Variants in CD36 observed in about 807,000 individuals in gnomAD.
CD36 encodes the protein CD36 molecule (CD36 blood group).
CD36 carries 119 observed loss-of-function variants against 55.2 expected under a neutral mutation model. The ratio of observed to expected loss-of-function variants is 2.15; its 90% CI spans 1.86 to 2.51. The LOEUF (loss-of-function observed/expected upper bound fraction) is 2.51, where lower values mean the gene tolerates loss of function less well. CD36 is among the 30% of genes most tolerant of loss of function. The pLI, the probability that CD36 is intolerant of heterozygous loss-of-function variation, is 0.00. For missense variants in CD36, 819 were observed against 555.5 expected (o/e 1.47, Z -4.77); for synonymous variants, 186 against 193.6 (o/e 0.96, Z 0.33).
intron 1 of CD36, among the ~76,000 whole-genome samples, chr7:80,627,037 A>C (rs998100923): frequency 6.6e-6 from 1 of 152,014 alleles, no homozygotes; most frequent in African/African-American, 2.4e-5. Flanking sequence ...GAGACAGACT[A>C]TTACAAGGTT....
intron 4 of CD36, among the ~76,000 whole-genome samples, chr7:80,658,126 A>G (rs1324231805): frequency 6.6e-6 from 1 of 152,240 alleles, no homozygotes; most frequent in African/African-American, 2.4e-5. Context: ...GTGACAATTC[A>G]TAATTTTGTC....
chr7:80,673,636 T>TGTA, intron 13 of CD36: 1 of 562,950 alleles, frequency 1.8e-6, no homozygotes, highest in African/African-American at 1.9e-5. Flanking sequence ...ATTTTCTTGT[T>TGTA]GTAACATTTG....
intron 1 of CD36, among the ~76,000 whole-genome samples, chr7:80,607,243 A>T (rs1269803212): frequency 2.6e-5 from 4 of 151,800 alleles, no homozygotes; most frequent in African/African-American, 9.7e-5. Flanking sequence ...AAATAAAAGC[A>T]ACTGAAACAA....
At chr7:80,619,675 A>C (rs1793353371) in intron 1 of CD36, among the ~76,000 whole-genome samples, 1 of 146,486 alleles carries the variant, frequency 6.8e-6, no homozygotes, top group Non-Finnish European at 1.5e-5. Context: ...AAAAAAGGCT[A>C]TAATTTCCAT....
chr7:80,625,821 T>C (rs2115978691), intron 1 of CD36, among the ~76,000 whole-genome samples: 1 of 152,270 alleles, frequency 6.6e-6, no homozygotes, highest in African/African-American at 2.4e-5. Context: ...TTGGATGATA[T>C]ATTGCATTTT....
chr7:80,655,672 C>T (rs1036915416), intron 3 of CD36, among the ~76,000 whole-genome samples: 1 of 152,088 alleles, frequency 6.6e-6, no homozygotes, highest in African/African-American at 2.4e-5. Context: ...AAGTTAGGGG[C>T]TGTGTGCAGT....
Position 80,677,485 on chromosome 7 carries a change from G to A in CD36, c.*1102G>A, listed in dbSNP as rs1449184880. On this transcript the variant is annotated 3_prime_UTR_variant, in exon 15 of 15. Coordinates refer to ENST00000447544, the MANE Select transcript of CD36 (RefSeq NM_001001548.3). ...TATGATAGCCGCCAGAGTAAATGTT[G>A]AGCATTACTACAGAAAAGCCACAAA... 1 of 152,088 alleles carries A rather than the reference G, an allele frequency of 6.6e-6. No individual in the cohort carries two copies. 9.4% of individuals were successfully genotyped at this position (152,088 alleles called of 1,614,324 possible). A position where few individuals can be genotyped will look rare whatever the true frequency, so the allele number is the denominator to read the frequency against.
intron 9 of CD36, chr7:80,670,540 T>C (rs1178524369): frequency 4.3e-6 from 1 of 230,664 alleles, no homozygotes; most frequent in African/African-American, 2.3e-5. Context: ...AAAATATGTG[T>C]ATTGAACCCT....
At chr7:80,639,877 G>A (rs928885962) in intron 1 of CD36, 3 of 151,956 alleles carry the variant, frequency 2.0e-5, no homozygotes, top group Non-Finnish European at 4.4e-5. Context: ...AAACCAAACA[G>A]AGAACCATCA....
At chr7:80,634,126 T>A (rs75283129), upstream of CD36, among the ~76,000 whole-genome samples, 16 of 152,200 alleles carry the variant, frequency 1.1e-4, no homozygotes, top group African/African-American at 3.9e-4. Flanking sequence ...GCCCTTGTTC[T>A]GCCAAGTACT....
intron 1 of CD36, among the ~76,000 whole-genome samples, chr7:80,621,283 G>T (rs1793457445): frequency 6.6e-6 from 1 of 152,164 alleles, no homozygotes; most frequent in African/African-American, 2.4e-5. Context: ...TCAGTTTATT[G>T]TGATATTCAC....
intron 3 of CD36, among the ~76,000 whole-genome samples, chr7:80,653,123 G>A (rs908028293): frequency 1.3e-5 from 2 of 152,112 alleles, no homozygotes; most frequent in African/African-American, 4.8e-5. Flanking sequence ...TTCATTGTTG[G>A]CCACTTCAGT....
rs138506407 is a variant in CD36, at chr7:80,607,614, A to G, written c.-184+5235A>G. On this transcript the variant is annotated intron_variant, in intron 1 of 13. Transcript: ENST00000309881. ...CCCCATCCCCCACTTTCTAAGTGAT[A>G]TTATCAATTTTCATGACTTCACCTG... Among the ~76,000 whole-genome samples, 6 of 152,144 alleles carry G rather than the reference A, an allele frequency of 3.9e-5. No individual in the cohort carries two copies. In the East Asian group the frequency reaches 7.7e-4, roughly 20 times the overall value.
chr7:80,673,240 TACAGGAACAAA>T (rs1389790294), intron 12 of CD36, 104 bp from the exon 13 acceptor site: 3 of 594,048 alleles, frequency 5.1e-6, no homozygotes, highest in Non-Finnish European at 9.0e-6. Flanking sequence ...AATGAGTCAT[TACAGGAACAAA>T]ATCAAATTAG....
chr7:80,608,920 A>G (rs1396202892), intron 1 of CD36, among the ~76,000 whole-genome samples: 1 of 66,518 alleles, frequency 1.5e-5, no homozygotes, highest in African/African-American at 5.7e-5. Flanking sequence ...TCCCACCCCC[A>G]CCCCCATAGC....
chr7:80,623,423 A>G (rs1260434454), intron 1 of CD36, among the ~76,000 whole-genome samples: 1 of 152,270 alleles, frequency 6.6e-6, no homozygotes. Flanking sequence ...ATGAGGATGT[A>G]TGTCATCAAT....
chr7:80,622,670 T>A (rs1007742048), intron 1 of CD36, among the ~76,000 whole-genome samples: 14 of 152,182 alleles, frequency 9.2e-5, no homozygotes, highest in Non-Finnish European at 4.4e-5. Context: ...AAGAAATGTA[T>A]TCTACACAGA....
chr7:80,664,305 T>C lies in CD36; in HGVS notation c.610-101T>C. ...GTATTGCAGATGTATTTCAAGTCATTTGAGTAACCAGTGATTGAGAAATGT... is the reference window on the plus strand; with the variant it reads ...GTATTGCAGATGTATTTCAAGTCATCTGAGTAACCAGTGATTGAGAAATGT... On this transcript the variant is annotated intron_variant, in intron 6 of 14. Transcript: ENST00000447544. The C allele has an allele frequency of 6.7e-6, 5 of 741,994 alleles. No individual in the cohort carries two copies. The Middle Eastern group carries it at 1.1e-3, about 167-fold the overall frequency. The allele number at this position is 741,994 out of a possible 1,614,324, so 46.0% of individuals were successfully genotyped here.
At chr7:80,661,387 C>T (rs529863587) in intron 5 of CD36, among the ~76,000 whole-genome samples, 177 bp downstream of exon 5, 3 of 152,198 alleles carry the variant, frequency 2.0e-5, no homozygotes, top group Admixed American at 6.5e-5. Context: ...TCATAAGAAT[C>T]GACTGCATTA....
Sources: gnomAD v4.1 joint callset for allele counts (sites outside exome capture counted in the v4.1 genomes callset) on GRCh38, gnomAD v4.1.1 for gene constraint, MANE v1.5 for transcripts, NCBI Gene and HGNC (gene_info 2026-07-23, HGNC 2026-07-21) for gene names.